The following ZNF7 variants were observed in gnomAD, a reference collection of about 807,000 sequenced individuals.
ZNF7 encodes zinc finger protein 7.
ZNF7 carries 10 observed loss-of-function variants against 12.0 expected under a neutral mutation model. The observed-to-expected ratio is 0.83, with a 90% confidence interval of 0.51 to 1.42. ZNF7 has a LOEUF of 1.42. Among genes scored for constraint, ZNF7 ranks in the 40% most tolerant of loss-of-function variants. The pLI is 0.00. For synonymous variants in ZNF7, 334 were observed against 295.0 expected (o/e 1.13, Z -1.35); for missense variants, 854 against 837.2 (o/e 1.02, Z -0.25).
downstream of ZNF7, among the ~76,000 whole-genome samples, chr8:144,844,276 C>A (rs1830354680): frequency 6.6e-6 from 1 of 152,194 alleles, no homozygotes; most frequent in South Asian, 2.1e-4. Context: ...AGTACCAACC[C>A]CCCCATCCAT....
downstream of ZNF7, chr8:144,846,165 T>C (rs765472541): frequency 2.0e-4 from 300 of 1,535,994 alleles, no homozygotes; most frequent in Non-Finnish European, 3.4e-5. Flanking sequence ...ACGTCAGCCA[T>C]ATGGATGGTC....
chr8:144,827,759 C>T, intron 1 of ZNF7, 150 bp downstream of exon 1: 8 of 887,654 alleles, frequency 9.0e-6, no homozygotes, highest in Non-Finnish European at 1.1e-5. Flanking sequence ...GGGCCTTGAG[C>T]GCCTGGTGTG....
chr8:144,844,384 C>T (rs543327548), downstream of ZNF7, among the ~76,000 whole-genome samples: 13 of 151,974 alleles, frequency 8.6e-5, no homozygotes, highest in Non-Finnish European at 1.8e-4. Context: ...TAGGGGGGAA[C>T]GCGGTGAGGA....
At chr8:144,845,538 C>T (rs879679548), downstream of ZNF7, among the ~76,000 whole-genome samples, 7 of 152,162 alleles carry the variant, frequency 4.6e-5, no homozygotes, top group Non-Finnish European at 1.0e-4. Flanking sequence ...TGAATTTTCA[C>T]GTGAATCTGC....
chr8:144,838,282 C>G (rs1369115465), intron 4 of ZNF7: 19 of 591,426 alleles, frequency 3.2e-5, no homozygotes, highest in Non-Finnish European at 5.5e-5. Flanking sequence ...CTCATGGTGA[C>G]TAATTAATCT....
At position 144,840,440 on chromosome 8, in the gene ZNF7, A is replaced by T. The variant is rs537159012; in HGVS notation, c.248-915A>T. Among the ~76,000 whole-genome samples the T allele has an allele frequency of 2.0e-5, 3 of 152,220 alleles. No homozygotes were observed. In the South Asian group the frequency reaches 6.2e-4, roughly 32 times the overall value. On this transcript the variant is annotated intron_variant, in intron 4 of 4. Coordinates refer to ENST00000532777, the MANE Select transcript of ZNF7 (RefSeq NM_003416.4). ...CATGTGGGGTAGACTCGGGCTGGTTATAGCTGTGGCTGCGTGGTTGTGGTT... is the reference window on the plus strand; with the variant it reads ...CATGTGGGGTAGACTCGGGCTGGTTTTAGCTGTGGCTGCGTGGTTGTGGTT...
At chr8:144,835,634 G>C (rs190984988) in intron 3 of ZNF7, 4 of 152,214 alleles carry the variant, frequency 2.6e-5, no homozygotes, top group Admixed American at 2.0e-4. Flanking sequence ...ACTGGCTTTT[G>C]GTTTTGCCTT....
rs755072783 is a variant in ZNF7 at position 144,842,763 on chromosome 8, C to T, written c.1656C>T (p.Pro552=). 2 of 1,614,152 alleles carry T rather than the reference C, an allele frequency of 1.2e-6. No individual in the cohort carries two copies. Among genetic ancestry groups the T allele is most frequent in the East Asian group, 2.2e-5 (1 of 44,882 alleles). ...IHQRVHTGER[P]YKCNECGKAF... ...AAAGGGTTCACACTGGAGAGAGGCC[C>T]TATAAATGTAATGAATGTGGGAAAG... The change falls in exon 5 of 5, where the codon CCC becomes CCT. Residue 552 remains proline (P), a synonymous_variant. Transcript: ENST00000532777.
At position 144,842,834 on chromosome 8, in the gene ZNF7, CA is replaced by C; in HGVS notation, c.1728del (p.Val578Ter). The C allele has an allele frequency of 6.2e-7, 1 of 1,614,156 alleles. No homozygotes were observed. The highest frequency in any genetic ancestry group is 8.5e-7 in the Non-Finnish European group (1 of 1,180,028). On this transcript the variant is annotated frameshift_variant, in exon 5 of 5. Coordinates refer to ENST00000532777, the MANE Select transcript of ZNF7 (RefSeq NM_003416.4). LOFTEE classifies it low-confidence loss of function (END_TRUNC). ...CTTTTCCAACACCAGATAATTCATG[CA>C]GGGGTGAAGCCCTATGAGTGCAGTG... ...STLFQHQIIH[A>X]GVKPYECSEC...
chr8:144,847,410 T>G (rs935800368), downstream of ZNF7: 4 of 152,176 alleles, frequency 2.6e-5, no homozygotes, highest in African/African-American at 9.7e-5. Context: ...ACCACTGCAC[T>G]CTAGCCTGGG....
rs115901789 is a variant in ZNF7 at position 144,839,398 on chromosome 8, C to G, written c.247+1891C>G. Among the ~76,000 whole-genome samples the G allele has an allele frequency of 5.4e-3, 817 of 152,366 alleles. 13 individuals carry two copies. Among genetic ancestry groups the G allele is most frequent in the African/African-American group, 0.019 (777 of 41,580 alleles). ...GGCTACTCCCATGTGATCCTTTCTG[C>G]TCAGTCTCCCTGAGAAGGAGGTTCA... On this transcript the variant is annotated intron_variant, in intron 4 of 4. Coordinates refer to ENST00000532777, the MANE Select transcript of ZNF7 (RefSeq NM_003416.4).
chr8:144,829,117 C>T, intron 2 of ZNF7, 27 bp downstream of exon 2: 2 of 1,613,556 alleles, frequency 1.2e-6, no homozygotes, highest in Non-Finnish European at 1.7e-6. Context: ...CCTCCTTCCC[C>T]TCGCATGTCC....
In ZNF7 at chr8:144,829,328, CTGCCCCTCCCCAGAA is replaced by C; in HGVS notation, c.4-148_4-134del. 6 of 1,540,434 alleles carry C rather than the reference CTGCCCCTCCCCAGAA, an allele frequency of 3.9e-6. No individual in the cohort carries two copies. In the South Asian group the frequency reaches 7.4e-5, roughly 19 times the overall value. On this transcript the variant is annotated intron_variant, in intron 2 of 4. Transcript: ENST00000532777. ...CTGGGTTCCTTCCTCCTCCCCGAGACTGCCCCTCCCCAGAATATTAGAGGCAGAGGAGTCCTGGTG... is the reference window on the plus strand; with the variant it reads ...CTGGGTTCCTTCCTCCTCCCCGAGACTATTAGAGGCAGAGGAGTCCTGGTG...
At chr8:144,827,924 T>G (rs908734803) in intron 1 of ZNF7, 2 of 153,832 alleles carry the variant, frequency 1.3e-5, no homozygotes, top group African/African-American at 4.8e-5. Flanking sequence ...TCTTCAGGCC[T>G]GGGTCTACTC....
At chr8:144,846,343 A>G (rs1830510153), downstream of ZNF7, 1 of 653,900 alleles carries the variant, frequency 1.5e-6, no homozygotes, top group Non-Finnish European at 2.5e-6. Context: ...AGCTTTTTAC[A>G]TTTCTGAATG....
At chr8:144,839,647 G>A (rs1397410207) in intron 4 of ZNF7, among the ~76,000 whole-genome samples, 3 of 152,236 alleles carry the variant, frequency 2.0e-5, no homozygotes, top group South Asian at 2.1e-4. Flanking sequence ...GCACTTGCTC[G>A]CAGACCTGAG....
In ZNF7 at chr8:144,832,025, C is replaced by G. The variant is rs1185027289; in HGVS notation, c.130+2421C>G. Among the ~76,000 whole-genome samples the G allele has an allele frequency of 6.0e-5, 6 of 99,600 alleles. 3 individuals are homozygous for G. The highest frequency in any genetic ancestry group is 1.5e-4 in the Non-Finnish European group (6 of 39,768). The allele number at this position is 99,600 out of a possible 152,430, so 65.3% of individuals were successfully genotyped here. ...GTGAGACCCTGTCTAAAAAAAAAAT[C>G]TTCTCTGCTTCTTTTGTGTTTGTTA... On this transcript the variant is annotated intron_variant, in intron 3 of 4. Coordinates refer to ENST00000532777, the MANE Select transcript of ZNF7 (RefSeq NM_003416.4).
intron 3 of ZNF7, among the ~76,000 whole-genome samples, chr8:144,832,727 CAAA>C (rs1420163146): frequency 1.3e-5 from 2 of 151,954 alleles, no homozygotes; most frequent in Admixed American, 1.3e-4. Flanking sequence ...GACTCCGTCT[CAAA>C]AAAAAGTTCT....
chr8:144,838,117 T>C, intron 4 of ZNF7: 1 of 703,026 alleles, frequency 1.4e-6, no homozygotes, highest in Non-Finnish European at 2.6e-6. Flanking sequence ...CTGGTGGTTT[T>C]CTGGCAGTCC....
Sources: gnomAD v4.1 joint callset for allele counts (sites outside exome capture counted in the v4.1 genomes callset) on GRCh38, gnomAD v4.1.1 for gene constraint, MANE v1.5 for transcripts, NCBI Gene and HGNC (gene_info 2026-07-23, HGNC 2026-07-21) for gene names.